The following ODR4 variants were observed in gnomAD, a reference collection of about 807,000 sequenced individuals.
ODR4 encodes odr-4 GPCR localization factor homolog, also known as protein odr-4 homolog.
ODR4 carries 47 observed loss-of-function variants against 60.2 expected under a neutral mutation model. The ratio of observed to expected loss-of-function variants is 0.78; its 90% CI spans 0.62 to 1.00. ODR4 has a LOEUF of 1.00. Among genes scored for constraint, ODR4 ranks in the 50% least tolerant of loss-of-function variants. The pLI is 0.00. For missense variants in ODR4, 488 were observed against 530.8 expected (o/e 0.92, Z 0.79); for synonymous variants, 178 against 175.5 (o/e 1.01, Z -0.11).
intron 9 of ODR4, among the ~76,000 whole-genome samples, chr1:186,395,993 A>G (rs936941871): frequency 5.3e-5 from 8 of 152,266 alleles, no homozygotes; most frequent in African/African-American, 1.9e-4. Flanking sequence ...TATGCTTGCC[A>G]TACCTTTAAA....
chr1:186,398,251 T>C, intron 9 of ODR4, 62 bp from the exon 10 acceptor site: 1 of 1,409,672 alleles, frequency 7.1e-7, no homozygotes, highest in South Asian at 1.7e-5. Flanking sequence ...ATATAATGTT[T>C]AAATATTTCC....
In ODR4 at chr1:186,385,981, T is replaced by A. The variant is rs779049588; in HGVS notation, c.235-7T>A. 1.3e-6 allele frequency: 2 copies of A among 1,536,724 alleles called. No individual in the cohort carries two copies. Among genetic ancestry groups the A allele is most frequent in the Non-Finnish European group, 9.0e-7 (1 of 1,116,960 alleles). On this transcript the variant is annotated splice_region_variant and splice_polypyrimidine_tract_variant and intron_variant, in intron 3 of 13. Transcript: ENST00000287859. Reference sequence around the variant, plus strand: ...TTTGTTAGCTAATAATATATTTCTATTTTTAGGTATCCAGAATGCTACCAG... The same window carrying A: ...TTTGTTAGCTAATAATATATTTCTAATTTTAGGTATCCAGAATGCTACCAG...
intron 12 of ODR4, among the ~76,000 whole-genome samples, chr1:186,417,118 A>G (rs979172274): frequency 1.3e-5 from 2 of 151,862 alleles, no homozygotes; most frequent in Admixed American, 6.6e-5. Flanking sequence ...GCACACCACC[A>G]TGCCCGTCTA....
intron 11 of ODR4, among the ~76,000 whole-genome samples, chr1:186,399,841 C>T (rs1375574265): frequency 6.6e-6 from 1 of 152,062 alleles, no homozygotes; most frequent in Non-Finnish European, 1.5e-5. Context: ...GTATCTTACC[C>T]ATTAATAACG....
intron 12 of ODR4, 52 bp from the exon 13 acceptor site, chr1:186,417,492 C>T: frequency 1.0e-6 from 1 of 970,582 alleles, no homozygotes. Context: ...AGCTCAGTTT[C>T]ATGTGTTAAT....
At chr1:186,422,022 AATGAAT>A (rs1295681079), downstream of ODR4, among the ~76,000 whole-genome samples, 2 of 152,096 alleles carry the variant, frequency 1.3e-5, no homozygotes, top group African/African-American at 4.8e-5. Context: ...CTAATATTAA[AATGAAT>A]ATGAATAGAC....
At chr1:186,408,541 T>C (rs1264691528) in intron 12 of ODR4, among the ~76,000 whole-genome samples, 1 of 149,834 alleles carries the variant, frequency 6.7e-6, no homozygotes, top group East Asian at 1.9e-4. Context: ...AATATAAACA[T>C]ATACATACAT....
intron 9 of ODR4, among the ~76,000 whole-genome samples, chr1:186,394,684 T>G (rs1393947707): frequency 6.6e-6 from 1 of 152,206 alleles, no homozygotes; most frequent in South Asian, 2.1e-4. Context: ...ACAGAAATAC[T>G]CTCAGGACTT....
At chr1:186,386,962 C>T (rs939390516) in intron 4 of ODR4, among the ~76,000 whole-genome samples, 4 of 152,112 alleles carry the variant, frequency 2.6e-5, no homozygotes, top group African/African-American at 9.7e-5. Flanking sequence ...AAACCCAAAC[C>T]TAAGGTAGAT....
chr1:186,389,526 T>C, intron 5 of ODR4, 62 bp from the exon 6 acceptor site: 2 of 1,292,250 alleles, frequency 1.5e-6, no homozygotes, highest in Non-Finnish European at 2.2e-6. Flanking sequence ...TTTTTGATAG[T>C]TTATATTCTT....
intron 12 of ODR4, among the ~76,000 whole-genome samples, chr1:186,415,371 CTA>C (rs1281774309): frequency 2.0e-5 from 3 of 152,042 alleles, no homozygotes; most frequent in African/African-American, 7.2e-5. Context: ...GCAAAGATGT[CTA>C]TAAGAACATT....
intron 2 of ODR4, 71 bp from the exon 3 acceptor site, chr1:186,382,950 AT>A: frequency 6.9e-7 from 1 of 1,450,598 alleles, no homozygotes; most frequent in South Asian, 1.4e-5. Context: ...AAGCTAAGGA[AT>A]TTAGGTATCA....
At chr1:186,424,986 AC>A (rs1206700622), downstream of ODR4, among the ~76,000 whole-genome samples, 88 of 147,738 alleles carry the variant, frequency 6.0e-4, 2 homozygotes, top group South Asian at 1.9e-3. Flanking sequence ...AAAAAAAAAA[AC>A]CCCTTTTTGA....
At chr1:186,399,495 C>A (rs796745702) in intron 11 of ODR4, among the ~76,000 whole-genome samples, 13 of 151,172 alleles carry the variant, frequency 8.6e-5, no homozygotes, top group African/African-American at 3.2e-4. Flanking sequence ...AGGTGTGAGC[C>A]ACCATGCTTG....
chr1:186,385,597 G>A (rs1366567452), intron 3 of ODR4, among the ~76,000 whole-genome samples: 5 of 151,852 alleles, frequency 3.3e-5, no homozygotes, highest in African/African-American at 1.2e-4. Flanking sequence ...GAAAGCCTAG[G>A]ATGTGTATGG....
chr1:186,406,990 G>A (rs1178455545), intron 12 of ODR4, among the ~76,000 whole-genome samples: 1 of 152,088 alleles, frequency 6.6e-6, no homozygotes, highest in African/African-American at 2.4e-5. Context: ...TTCAGGAATA[G>A]GGTGTTTGAT....
At chr1:186,416,364 C>T (rs1661564107) in intron 12 of ODR4, among the ~76,000 whole-genome samples, 1 of 151,798 alleles carries the variant, frequency 6.6e-6, no homozygotes, top group Non-Finnish European at 1.5e-5. Flanking sequence ...GGTGAAATCC[C>T]ATCTCAACTA....
chr1:186,433,730 G>A, the ODR4 span, among the ~76,000 whole-genome samples: 1 of 152,054 alleles, frequency 6.6e-6, no homozygotes, highest in Admixed American at 6.6e-5. Flanking sequence ...ACAGGTGCCT[G>A]CCACCACACC....
intron 12 of ODR4, among the ~76,000 whole-genome samples, chr1:186,413,125 C>G (rs1044569199): frequency 6.6e-6 from 1 of 151,914 alleles, no homozygotes; most frequent in African/African-American, 2.4e-5. Flanking sequence ...TTGAATATCC[C>G]TAATCTGAAA....
Sources: allele counts gnomAD v4.1 joint callset (sites outside exome capture counted in the v4.1 genomes callset), GRCh38; gene constraint gnomAD v4.1.1; transcripts MANE v1.5; gene names NCBI Gene and HGNC (gene_info 2026-07-23, HGNC 2026-07-21).